TMEM132C: variants seen among roughly 807,000 people sequenced by gnomAD.
TMEM132C encodes protein phosphatase 1, regulatory subunit 152.
TMEM132C carries 29 observed loss-of-function variants against 61.4 expected under a neutral mutation model. The ratio of observed to expected loss-of-function variants is 0.47; its 90% CI spans 0.35 to 0.64. The LOEUF is 0.64. TMEM132C is among the 30% of genes least tolerant of loss of function. TMEM132C has a pLI of 0.00. For synonymous variants in TMEM132C, 656 were observed against 633.1 expected (o/e 1.04, Z -0.54); for missense variants, 1,408 against 1,476.9 (o/e 0.95, Z 0.76).
chr12:128,584,942 C>T (rs1252312034), intron 3 of TMEM132C, among the ~76,000 whole-genome samples: 2 of 152,204 alleles, frequency 1.3e-5, no homozygotes, highest in Admixed American at 6.5e-5. Flanking sequence ...ACTTAGGTCC[C>T]CATCTGGTGC....
intron 2 of TMEM132C, among the ~76,000 whole-genome samples, chr12:128,459,882 C>G (rs1405045737): frequency 2.7e-5 from 1 of 37,166 alleles, no homozygotes; most frequent in Non-Finnish European, 5.2e-5. Flanking sequence ...AAGACTCTGT[C>G]TCAAAAAAAA....
intron 4 of TMEM132C, among the ~76,000 whole-genome samples, chr12:128,618,771 C>T (rs1256445796): frequency 1.3e-5 from 2 of 152,292 alleles, no homozygotes; most frequent in East Asian, 1.9e-4. Context: ...CCCAGCCACA[C>T]GGAATGGTGA....
intron 1 of TMEM132C, among the ~76,000 whole-genome samples, chr12:128,323,413 C>T (rs1329752536): frequency 1.3e-5 from 2 of 152,106 alleles, no homozygotes; most frequent in African/African-American, 4.8e-5. Context: ...GAATTTTAGC[C>T]GAAGAATATT....
Position 128,706,332 on chromosome 12 carries a change from C to T in TMEM132C, c.*37C>T, listed in dbSNP as rs1954840803. ...CAAAGGGCCCTGCCCAGATGCCTTCCTTGTACTGGAAACTGGCCCAAGTGG... is the reference window on the plus strand; with the variant it reads ...CAAAGGGCCCTGCCCAGATGCCTTCTTTGTACTGGAAACTGGCCCAAGTGG... On this transcript the variant is annotated 3_prime_UTR_variant, in exon 9 of 9. Transcript: ENST00000435159. 2.0e-6 allele frequency: 3 copies of T among 1,466,144 alleles called. No homozygotes were observed. The highest frequency in any genetic ancestry group is 2.8e-5 in the South Asian group (2 of 70,988). 90.8% of individuals were successfully genotyped at this position (1,466,144 alleles called of 1,614,324 possible).
intron 2 of TMEM132C, among the ~76,000 whole-genome samples, chr12:128,467,815 G>A (rs1210482437): frequency 6.6e-6 from 1 of 152,180 alleles, no homozygotes; most frequent in Non-Finnish European, 1.5e-5. Context: ...ACAGGCACAA[G>A]CATCTGTCCA....
intron 4 of TMEM132C, among the ~76,000 whole-genome samples, chr12:128,663,067 C>T (rs970629270): frequency 7.2e-5 from 11 of 151,868 alleles, no homozygotes; most frequent in African/African-American, 2.7e-4. Context: ...AGCCCCATCC[C>T]ACACTCTTTC....
intron 4 of TMEM132C, among the ~76,000 whole-genome samples, chr12:128,658,358 A>T (rs926517757): frequency 6.6e-6 from 1 of 152,156 alleles, no homozygotes; most frequent in Non-Finnish European, 1.5e-5. Context: ...TCAAAACTGG[A>T]CCTTTCTTCC....
intron 3 of TMEM132C, among the ~76,000 whole-genome samples, chr12:128,595,109 G>T (rs1875901467): frequency 6.6e-6 from 1 of 152,170 alleles, no homozygotes; most frequent in Non-Finnish European, 1.5e-5. Flanking sequence ...GGAGAACAGT[G>T]CAGGGAAGTC....
chr12:128,694,730 C>T (rs771469553), intron 6 of TMEM132C, among the ~76,000 whole-genome samples: 1 of 152,146 alleles, frequency 6.6e-6, no homozygotes, highest in Non-Finnish European at 1.5e-5. Context: ...CAGTGAGATG[C>T]GGAATCCATC....
At chr12:128,651,933 G>A (rs1053681635) in intron 4 of TMEM132C, among the ~76,000 whole-genome samples, 5 of 152,174 alleles carry the variant, frequency 3.3e-5, no homozygotes, top group African/African-American at 7.2e-5. Flanking sequence ...GAAAACCAGC[G>A]GGACGTTTGA....
At position 128,632,043 on chromosome 12, in the gene TMEM132C, G is replaced by A. The variant is rs1035451220; in HGVS notation, c.1305+15708G>A. 4.6e-5 allele frequency among the ~76,000 whole-genome samples: 7 copies of A among 152,082 alleles called. 1 individual carries two copies. In the South Asian group the frequency reaches 8.3e-4, roughly 18 times the overall value. On this transcript the variant is annotated intron_variant, in intron 4 of 8. Coordinates refer to ENST00000435159, the MANE Select transcript of TMEM132C (RefSeq NM_001136103.3). ...ACCCCAATAGATGCCTGTGACCCCC[G>A]GCTTTACAGACACCCCAGATCTGGC...
At chr12:128,339,050 G>A (rs1217168076) in intron 1 of TMEM132C, among the ~76,000 whole-genome samples, 2 of 152,010 alleles carry the variant, frequency 1.3e-5, no homozygotes, top group Admixed American at 1.3e-4. Flanking sequence ...TTCACATCTG[G>A]CAGGCAAATT....
At chr12:128,688,157 C>T (rs746646617) in intron 5 of TMEM132C, among the ~76,000 whole-genome samples, 1 of 152,232 alleles carries the variant, frequency 6.6e-6, no homozygotes, top group Non-Finnish European at 1.5e-5. Flanking sequence ...TCTCTCAGCA[C>T]CTGCCTTTCC....
intron 4 of TMEM132C, among the ~76,000 whole-genome samples, chr12:128,619,202 G>C (rs1159452597): frequency 6.6e-6 from 1 of 152,206 alleles, no homozygotes; most frequent in African/African-American, 2.4e-5. Context: ...TTTCCAATTT[G>C]TTGATCGTTT....
intron 2 of TMEM132C, among the ~76,000 whole-genome samples, chr12:128,443,506 C>T (rs547190912): frequency 1.2e-4 from 19 of 152,274 alleles, no homozygotes; most frequent in African/African-American, 3.9e-4. Flanking sequence ...TGATACTATT[C>T]TTCTAATTTT....
chr12:128,319,053 CTT>C (rs1872240504), intron 1 of TMEM132C, among the ~76,000 whole-genome samples: 1 of 152,152 alleles, frequency 6.6e-6, no homozygotes, highest in African/African-American at 2.4e-5. Flanking sequence ...ACTTTTGTGA[CTT>C]AGACTGAGAT....
intron 1 of TMEM132C, among the ~76,000 whole-genome samples, chr12:128,334,423 G>T (rs1295141974): frequency 1.3e-5 from 2 of 152,096 alleles, no homozygotes; most frequent in African/African-American, 4.8e-5. Context: ...GAGCCTGATG[G>T]TTTCCAACTG....
chr12:128,394,593 T>C (rs1874878803), intron 1 of TMEM132C, among the ~76,000 whole-genome samples: 2 of 152,222 alleles, frequency 1.3e-5, no homozygotes. Context: ...AGTGACTCCT[T>C]CTTGTCACAG....
chr12:128,639,164 G>C (rs921219706), intron 4 of TMEM132C, among the ~76,000 whole-genome samples: 14 of 131,528 alleles, frequency 1.1e-4, no homozygotes, highest in Middle Eastern at 8.0e-3. Context: ...TGGTGATGGT[G>C]GTGATGGTGA....
Sources: gnomAD v4.1 joint callset for allele counts (sites outside exome capture counted in the v4.1 genomes callset) on GRCh38, gnomAD v4.1.1 for gene constraint, MANE v1.5 for transcripts, NCBI Gene and HGNC (gene_info 2026-07-23, HGNC 2026-07-21) for gene names.